The following C12orf42 variants were observed in gnomAD, a reference collection of about 807,000 sequenced individuals.
C12orf42 encodes uncharacterized protein C12orf42.
C12orf42 carries 25 observed loss-of-function variants against 21.6 expected under a neutral mutation model. The observed-to-expected ratio is 1.16, with a 90% CI of 0.84 to 1.62. The LOEUF (loss-of-function observed/expected upper bound fraction) is 1.62. C12orf42 is among the 40% of genes most tolerant of loss of function. C12orf42 has a pLI of 0.00. For synonymous variants in C12orf42, 174 were observed against 175.0 expected (o/e 0.99, Z 0.05); for missense variants, 483 against 459.3 (o/e 1.05, Z -0.47).
At chr12:103,511,204 C>A in the C12orf42 span, among the ~76,000 whole-genome samples, 8 of 152,060 alleles carry the variant, frequency 5.3e-5, no homozygotes, top group Non-Finnish European at 5.9e-5. Flanking sequence ...ATACACACAG[C>A]TTTATGTATG....
chr12:103,201,160 T>C, the C12orf42 span, among the ~76,000 whole-genome samples: 1 of 152,198 alleles, frequency 6.6e-6, no homozygotes, highest in Non-Finnish European at 1.5e-5. Flanking sequence ...GGAGAAAAAT[T>C]GGGCCCTTTC....
At chr12:103,251,267 G>T (rs2034287381) in intron 10 of C12orf42, among the ~76,000 whole-genome samples, 1 of 151,966 alleles carries the variant, frequency 6.6e-6, no homozygotes, top group Non-Finnish European at 1.5e-5. Context: ...ATAGCAACTA[G>T]ATGTGCCTAG....
the C12orf42 span, among the ~76,000 whole-genome samples, chr12:103,232,281 T>C: frequency 6.6e-6 from 1 of 152,222 alleles, no homozygotes; most frequent in Non-Finnish European, 1.5e-5. Flanking sequence ...TATAGTATCT[T>C]TAGCACAGTA....
chr12:103,542,402 T>C, the C12orf42 span, among the ~76,000 whole-genome samples: 3 of 152,326 alleles, frequency 2.0e-5, no homozygotes, highest in African/African-American at 7.2e-5. Context: ...AATCTCCATA[T>C]TCCAGAAACA....
At chr12:103,257,486 A>T (rs2034671353) in intron 10 of C12orf42, among the ~76,000 whole-genome samples, 1 of 152,142 alleles carries the variant, frequency 6.6e-6, no homozygotes, top group South Asian at 2.1e-4. Flanking sequence ...CAACTCAAAG[A>T]CATTAAAGTA....
At chr12:103,319,780 C>T (rs965760233) in intron 4 of C12orf42, among the ~76,000 whole-genome samples, 3 of 152,300 alleles carry the variant, frequency 2.0e-5, no homozygotes, top group South Asian at 2.1e-4. Context: ...GAGTGCAGGG[C>T]TATTTGGGTC....
chr12:103,293,984 C>T (rs759813655), intron 4 of C12orf42, among the ~76,000 whole-genome samples: 1 of 152,136 alleles, frequency 6.6e-6, no homozygotes, highest in Non-Finnish European at 1.5e-5. Context: ...CTTCACTATT[C>T]TGTCTCCAGT....
At chr12:103,184,727 AT>A in the C12orf42 span, among the ~76,000 whole-genome samples, 1 of 114,188 alleles carries the variant, frequency 8.8e-6, no homozygotes, top group East Asian at 2.8e-4. Flanking sequence ...CCCCCCCCAA[AT>A]ATATATGTTA....
chr12:103,312,866 G>C (rs1017077741), intron 4 of C12orf42, among the ~76,000 whole-genome samples: 2 of 152,120 alleles, frequency 1.3e-5, no homozygotes, highest in African/African-American at 4.8e-5. Flanking sequence ...GCAGTTCATG[G>C]TAAATCATAA....
chr12:103,516,077 C>T, the C12orf42 span, among the ~76,000 whole-genome samples: 1 of 152,124 alleles, frequency 6.6e-6, no homozygotes, highest in Non-Finnish European at 1.5e-5. Context: ...TTTAAAATTA[C>T]TGCAACAAAA....
At chr12:103,425,268 A>AC (rs1264968639) in intron 2 of C12orf42, among the ~76,000 whole-genome samples, 2 of 152,100 alleles carry the variant, frequency 1.3e-5, no homozygotes, top group African/African-American at 4.8e-5. Flanking sequence ...GCTCCAGCTG[A>AC]CTTAAACATT....
At chr12:103,550,165 C>T in the C12orf42 span, among the ~76,000 whole-genome samples, 11 of 152,018 alleles carry the variant, frequency 7.2e-5, no homozygotes, top group Non-Finnish European at 1.2e-4. Flanking sequence ...ATTAATAATA[C>T]AATATTAATA....
chr12:103,464,206 T>C (rs1367436728), intron 2 of C12orf42, among the ~76,000 whole-genome samples: 1 of 152,206 alleles, frequency 6.6e-6, no homozygotes, highest in Non-Finnish European at 1.5e-5. Flanking sequence ...GTAAAAGCCT[T>C]CCTATTTCTC....
At chr12:103,255,082 G>A (rs903996740) in intron 10 of C12orf42, among the ~76,000 whole-genome samples, 7 of 151,952 alleles carry the variant, frequency 4.6e-5, no homozygotes, top group Non-Finnish European at 1.0e-4. Flanking sequence ...TTATCATACA[G>A]AATATGTGGG....
chr12:103,057,614 G>T, the C12orf42 span, among the ~76,000 whole-genome samples: 1 of 152,132 alleles, frequency 6.6e-6, no homozygotes, highest in Middle Eastern at 3.4e-3. Flanking sequence ...ATGGGCATTT[G>T]GGTTGGTTCC....
chr12:103,328,474 A>G (rs1055659851), intron 4 of C12orf42, among the ~76,000 whole-genome samples: 3 of 152,188 alleles, frequency 2.0e-5, no homozygotes, highest in African/African-American at 7.2e-5. Flanking sequence ...TATATTAAAT[A>G]GTATCATATA....
At chr12:103,387,410 C>T (rs1260753839) in intron 3 of C12orf42, among the ~76,000 whole-genome samples, 1 of 152,224 alleles carries the variant, frequency 6.6e-6, no homozygotes, top group Non-Finnish European at 1.5e-5. Flanking sequence ...CACAGACATG[C>T]TCACGCTTAC....
the C12orf42 span, among the ~76,000 whole-genome samples, chr12:103,191,420 A>C: frequency 2.4e-4 from 36 of 151,966 alleles, no homozygotes; most frequent in Non-Finnish European, 1.3e-4. Context: ...TAAAAATTAA[A>C]AGACAGGCTG....
intron 1 of C12orf42, among the ~76,000 whole-genome samples, chr12:103,492,393 C>G (rs553142766): frequency 6.6e-6 from 1 of 152,240 alleles, no homozygotes; most frequent in Non-Finnish European, 1.5e-5. Context: ...CCTCAACTGC[C>G]TGACTTCACA....
Sources: allele counts gnomAD v4.1 joint callset (sites outside exome capture counted in the v4.1 genomes callset), GRCh38; gene constraint gnomAD v4.1.1; transcripts MANE v1.5; gene names NCBI Gene and HGNC (gene_info 2026-07-23, HGNC 2026-07-21).